The following NCOR2 variants were observed in gnomAD, a reference collection of about 807,000 sequenced individuals.
NCOR2 encodes the protein CTG repeat protein 26.
In NCOR2, 81 loss-of-function variants were observed where a neutral mutation model predicts 262.9. That is an observed-to-expected ratio of 0.31 (90% confidence interval 0.26 to 0.37). The LOEUF is 0.37. Ranked by LOEUF, NCOR2 falls within the 10% of genes least tolerant of loss-of-function variation. The pLI, the probability that NCOR2 is intolerant of heterozygous loss-of-function variation, is 1.00. For missense variants in NCOR2, 3,385 were observed against 3,621.4 expected (o/e 0.93, Z 1.68); for synonymous variants, 1,659 against 1,559.3 (o/e 1.06, Z -1.51).
intron 19 of NCOR2, 26 bp from the exon 22 acceptor site, chr12:124,372,636 G>A (rs2039588722): frequency 2.5e-6 from 4 of 1,580,878 alleles, no homozygotes; most frequent in East Asian, 2.2e-5. Context: ...AGGAAGAGGG[G>A]ATGAGCAGGG....
chr12:124,346,999 C>G (rs998581245), intron 30 of NCOR2, 149 bp from the exon 33 acceptor site: 2 of 932,320 alleles, frequency 2.1e-6, no homozygotes, highest in Non-Finnish European at 3.0e-6. Flanking sequence ...CTCTCTGGGC[C>G]TCAGCTTCTT....
intron 7 of NCOR2, among the ~76,000 whole-genome samples, chr12:124,442,034 G>T (rs1437795316): frequency 6.6e-6 from 1 of 152,234 alleles, no homozygotes; most frequent in African/African-American, 2.4e-5. Flanking sequence ...TCAGATCCTG[G>T]ACCAGAAAAC....
In NCOR2 at chr12:124,337,846, C is replaced by T. The variant is rs551883963; in HGVS notation, c.5688-666G>A. Among the ~76,000 whole-genome samples the T allele has an allele frequency of 9.8e-5, 15 of 152,392 alleles. No homozygotes were observed. In the South Asian group the frequency reaches 2.5e-3, roughly 25 times the overall value. ...GGCTGCTCCACCCACGTGGCCTTCC[C>T]GGAGCCCTGCGTTTCCATGGGGGCA... is the stretch of plus-strand genomic sequence containing the variant. On this transcript the variant is annotated intron_variant, in intron 37 of 46. Transcript: ENST00000405201.
chr12:124,387,233 TCCACCCAC>T (rs969207208), intron 16 of NCOR2, among the ~76,000 whole-genome samples: 1 of 124,912 alleles, frequency 8.0e-6, no homozygotes, highest in Non-Finnish European at 1.6e-5. Context: ...CATTCATTCA[TCCACCCAC>T]CCACCCACCC....
exon 41 of NCOR2, chr12:124,334,543 G>A: frequency 7.0e-7 from 1 of 1,428,004 alleles, no homozygotes; most frequent in East Asian, 2.7e-5. Flanking sequence ...CCCCAGGGAA[G>A]GAGTAGAGGG....
In NCOR2 at chr12:124,486,030, A is replaced by G. The variant is rs577428766; in HGVS notation, c.233+411T>C. 4.0e-5 allele frequency among the ~76,000 whole-genome samples: 6 copies of G among 148,712 alleles called. No individual in the cohort carries two copies. In the South Asian group the frequency reaches 1.3e-3, roughly 33 times the overall value. On this transcript the variant is annotated intron_variant, in intron 2 of 46. Transcript: ENST00000405201. ...CATTCCCTTCCCACCTGGATCAAGGAAAGTAAGGCTGGCCCAGCACAGGCA... is the reference window on the plus strand; with the variant it reads ...CATTCCCTTCCCACCTGGATCAAGGGAAGTAAGGCTGGCCCAGCACAGGCA...
At chr12:124,439,357 ACAGAGACCCGGAGACAGAGG>A in intron 7 of NCOR2, among the ~76,000 whole-genome samples, 3 of 130,542 alleles carry the variant, frequency 2.3e-5, no homozygotes, top group Admixed American at 8.0e-5. Context: ...AGAGAGGGAG[ACAGAGACCCGGAGACAGAGG>A]GAGACAGAGA....
intron 1 of NCOR2, among the ~76,000 whole-genome samples, chr12:124,526,863 G>A (rs2050497030): frequency 6.6e-6 from 1 of 152,134 alleles, no homozygotes; most frequent in Non-Finnish European, 1.5e-5. Context: ...TCTCACTCAT[G>A]CTCCTCCACC....
intron 13 of NCOR2, among the ~76,000 whole-genome samples, chr12:124,416,331 C>T (rs2042856901): frequency 6.6e-6 from 1 of 152,208 alleles, no homozygotes; most frequent in African/African-American, 2.4e-5. Context: ...ACCGGGACCC[C>T]CACGAATCCA....
intron 1 of NCOR2, among the ~76,000 whole-genome samples, chr12:124,506,149 C>T (rs2049024604): frequency 6.6e-6 from 1 of 152,194 alleles, no homozygotes; most frequent in Admixed American, 6.5e-5. Flanking sequence ...ATGCTAACAC[C>T]AGAGGCAGCA....
At chr12:124,424,007 T>C (rs1056035569) in intron 11 of NCOR2, among the ~76,000 whole-genome samples, 1 of 152,166 alleles carries the variant, frequency 6.6e-6, no homozygotes, top group Non-Finnish European at 1.5e-5. Context: ...CCCACAGTCC[T>C]TGAGGCATGC....
intron 13 of NCOR2, among the ~76,000 whole-genome samples, chr12:124,409,307 T>G (rs1031850521): frequency 3.9e-5 from 6 of 152,196 alleles, no homozygotes; most frequent in African/African-American, 9.7e-5. Context: ...GCCCACCACC[T>G]GTCTCCTGGA....
chr12:124,417,753 C>T (rs2042988199), intron 13 of NCOR2, among the ~76,000 whole-genome samples: 1 of 152,184 alleles, frequency 6.6e-6, no homozygotes, highest in South Asian at 2.1e-4. Flanking sequence ...TTCCTGAATG[C>T]ACTTCAATTT....
In NCOR2 at chr12:124,413,253, G is replaced by A. The variant is rs149978180; in HGVS notation, c.1482+6704C>T. On this transcript the variant is annotated intron_variant, in intron 13 of 46. Transcript: ENST00000405201. ...GGTCGTGCCCACTCCCCGACACCTC[G>A]GAAGTCCTACCCTGTGTCCACCTCT... Among the ~76,000 whole-genome samples, 397 of 152,326 alleles carry A rather than the reference G, an allele frequency of 2.6e-3. 1 individual carries two copies. The highest frequency in any genetic ancestry group is 8.8e-3 in the African/African-American group (367 of 41,574).
chr12:124,438,967 GGAGACAGAGACCCAGAGAGA>G (rs1232709089), intron 7 of NCOR2, among the ~76,000 whole-genome samples: 77 of 13,698 alleles, frequency 5.6e-3, no homozygotes, highest in African/African-American at 0.026. Flanking sequence ...AGAGACAGAG[GGAGACAGAGACCCAGAGAGA>G]GAGAGATGGA....
chr12:124,373,614 TGGGCAGTGAGGCCAGTGCGTGC>T, intron 19 of NCOR2, among the ~76,000 whole-genome samples: 3 of 123,858 alleles, frequency 2.4e-5, no homozygotes, highest in Admixed American at 7.8e-5. Context: ...CCGGGCACAG[TGGGCAGTGAGGCCAGTGCGTGC>T]GCAGGGGCCC....
chr12:124,360,644 C>T (rs994172794), intron 22 of NCOR2, among the ~76,000 whole-genome samples: 1 of 152,198 alleles, frequency 6.6e-6, no homozygotes, highest in South Asian at 2.1e-4. Context: ...CCCCACTTCC[C>T]TCACTGTCCA....
intron 17 of NCOR2, among the ~76,000 whole-genome samples, chr12:124,385,404 T>C (rs1009860071): frequency 6.6e-6 from 1 of 152,178 alleles, no homozygotes; most frequent in African/African-American, 2.4e-5. Flanking sequence ...CCCGAATTCC[T>C]GGCTGAGTCA....
At chr12:124,451,581 C>G (rs2045541152) in intron 6 of NCOR2, among the ~76,000 whole-genome samples, 1 of 152,084 alleles carries the variant, frequency 6.6e-6, no homozygotes, top group Non-Finnish European at 1.5e-5. Context: ...TTCTGTCTGT[C>G]TGTCTCCCTC....
Sources: allele counts gnomAD v4.1 joint callset (sites outside exome capture counted in the v4.1 genomes callset), GRCh38; gene constraint gnomAD v4.1.1; transcripts MANE v1.5; gene names NCBI Gene and HGNC (gene_info 2026-07-23, HGNC 2026-07-21).